The following SLIT3 variants were observed in gnomAD, a reference collection of about 807,000 sequenced individuals.
The protein encoded by SLIT3 is slit homolog 3 protein.
In SLIT3, 68 loss-of-function variants were observed where a neutral mutation model predicts 184.0. The ratio of observed to expected loss-of-function variants is 0.37; its 90% CI spans 0.30 to 0.45. The LOEUF (loss-of-function observed/expected upper bound fraction) is 0.45, where lower values mean the gene tolerates loss of function less well. Ranked by LOEUF, SLIT3 falls within the 20% of genes least tolerant of loss-of-function variation. SLIT3 has a pLI of 1.00. For missense variants in SLIT3, 1,707 were observed against 2,026.0 expected (o/e 0.84, Z 3.02); for synonymous variants, 831 against 828.6 (o/e 1.00, Z -0.05).
At chr5:168,690,735 G>A (rs1415659448) in intron 29 of SLIT3, among the ~76,000 whole-genome samples, 2 of 152,170 alleles carry the variant, frequency 1.3e-5, no homozygotes, top group African/African-American at 4.8e-5. Context: ...GGGGCATGGG[G>A]CAGATGAGGT....
intron 4 of SLIT3, among the ~76,000 whole-genome samples, chr5:169,003,222 T>C (rs1319163312): frequency 3.3e-5 from 5 of 152,252 alleles, no homozygotes; most frequent in East Asian, 1.9e-4. Context: ...ACTTTGCATA[T>C]CATTTCAAGT....
At chr5:169,063,604 C>T (rs915447644) in intron 4 of SLIT3, among the ~76,000 whole-genome samples, 8 of 152,172 alleles carry the variant, frequency 5.3e-5, no homozygotes, top group Non-Finnish European at 5.9e-5. Flanking sequence ...GACTTCCTCC[C>T]GTGTGCGTGA....
chr5:169,137,329 C>CAGAGAGAGAGAGAGAGAGAG (rs573469556), intron 4 of SLIT3, among the ~76,000 whole-genome samples: 19 of 97,930 alleles, frequency 1.9e-4, no homozygotes, highest in African/African-American at 6.4e-4. Context: ...CACACACACA[C>CAGAGAGAGAGAGAGAGAGAG]ACACACAGAG....
intron 4 of SLIT3, among the ~76,000 whole-genome samples, chr5:168,949,360 G>A (rs148068378): frequency 1.5e-3 from 227 of 152,284 alleles, no homozygotes; most frequent in African/African-American, 5.3e-3. Context: ...GGGGCTCCAT[G>A]AAGTTCATAT....
At chr5:169,276,511 C>T (rs75925004) in intron 1 of SLIT3, among the ~76,000 whole-genome samples, 9,613 of 152,224 alleles carry the variant, frequency 0.063, 499 homozygotes, top group Admixed American at 0.18. Context: ...GAGGATATTT[C>T]CTGGTTGGGA....
At chr5:168,836,303 G>A (rs1451861929) in intron 6 of SLIT3, among the ~76,000 whole-genome samples, 1 of 152,194 alleles carries the variant, frequency 6.6e-6, no homozygotes, top group African/African-American at 2.4e-5. Context: ...CATGGGATGA[G>A]CGCTGATCTA....
At chr5:169,198,528 C>T (rs1275494496) in intron 3 of SLIT3, among the ~76,000 whole-genome samples, 4 of 152,216 alleles carry the variant, frequency 2.6e-5, no homozygotes, top group African/African-American at 4.8e-5. Flanking sequence ...AGTCATACCA[C>T]AAAGGGCCTT....
chr5:169,170,363 A>G (rs1762778460), intron 4 of SLIT3, among the ~76,000 whole-genome samples: 1 of 152,220 alleles, frequency 6.6e-6, no homozygotes, highest in South Asian at 2.1e-4. Flanking sequence ...CAAGGAAGAG[A>G]GAGCCCTGCT....
At chr5:168,686,066 C>T (rs1561874022) in intron 30 of SLIT3, 139 bp from the exon 31 acceptor site, 2 of 978,818 alleles carry the variant, frequency 2.0e-6, no homozygotes, top group Non-Finnish European at 2.8e-6. Flanking sequence ...CTAGTTCCAG[C>T]CCTGCCACTA....
intron 4 of SLIT3, among the ~76,000 whole-genome samples, chr5:169,113,494 T>C (rs1760490482): frequency 6.6e-6 from 1 of 152,140 alleles, no homozygotes; most frequent in African/African-American, 2.4e-5. Context: ...CTTCTACCTT[T>C]TGGCTACGTA....
At chr5:169,105,353 G>A (rs1047292576) in intron 4 of SLIT3, among the ~76,000 whole-genome samples, 1 of 152,150 alleles carries the variant, frequency 6.6e-6, no homozygotes, top group East Asian at 1.9e-4. Flanking sequence ...AGATCGAGGA[G>A]GCTTTTCTTT....
chr5:168,676,134 C>T (rs1221682546), intron 32 of SLIT3, among the ~76,000 whole-genome samples: 1 of 150,220 alleles, frequency 6.7e-6, no homozygotes, highest in Admixed American at 6.6e-5. Context: ...CATCTCTCTA[C>T]CTACCCACCT....
chr5:169,134,956 A>G (rs1214416523), intron 4 of SLIT3, among the ~76,000 whole-genome samples: 1 of 152,244 alleles, frequency 6.6e-6, no homozygotes, highest in East Asian at 1.9e-4. Context: ...TCACCACTAT[A>G]TATCCAGTGT....
intron 12 of SLIT3, 46 bp downstream of exon 12, chr5:168,785,861 T>C (rs1756134885): frequency 1.4e-6 from 2 of 1,419,120 alleles, no homozygotes; most frequent in Non-Finnish European, 2.0e-6. Context: ...GGTGGGAGCC[T>C]TCCGACAGTA....
chr5:168,714,900 G>A (rs1408615855), intron 23 of SLIT3, among the ~76,000 whole-genome samples: 1 of 152,190 alleles, frequency 6.6e-6, no homozygotes, highest in African/African-American at 2.4e-5. Context: ...GCAAACTTAA[G>A]AATTTCAGAA....
chr5:168,823,376 G>A (rs1757598246), intron 6 of SLIT3, 45 bp from the exon 7 acceptor site: 3 of 1,437,582 alleles, frequency 2.1e-6, no homozygotes, highest in Non-Finnish European at 2.0e-6. Context: ...CAGCAGCAGG[G>A]GAGGCACCAA....
chr5:169,185,928 C>T (rs1254745138), intron 4 of SLIT3, among the ~76,000 whole-genome samples: 1 of 152,202 alleles, frequency 6.6e-6, no homozygotes, highest in Non-Finnish European at 1.5e-5. Context: ...GCTCTGTGAC[C>T]TTGGGCAAGC....
chr5:168,936,049 A>G (rs1762148679), intron 4 of SLIT3, among the ~76,000 whole-genome samples: 1 of 152,182 alleles, frequency 6.6e-6, no homozygotes. Context: ...TCCCCCACAA[A>G]ATTAGGGCTG....
At chr5:168,873,689 C>A (rs1307738031) in intron 5 of SLIT3, among the ~76,000 whole-genome samples, 1 of 152,036 alleles carries the variant, frequency 6.6e-6, no homozygotes, top group Admixed American at 6.5e-5. Flanking sequence ...AAGCAACGTA[C>A]AAATGCGAGG....
Sources: gnomAD v4.1 joint callset for allele counts (sites outside exome capture counted in the v4.1 genomes callset) on GRCh38, gnomAD v4.1.1 for gene constraint, MANE v1.5 for transcripts, NCBI Gene and HGNC (gene_info 2026-07-23, HGNC 2026-07-21) for gene names.